The following PSD3 variants were observed in gnomAD, a reference collection of about 807,000 sequenced individuals.
The protein encoded by PSD3 is PH and SEC7 domain-containing protein 3.
PSD3 carries 49 observed loss-of-function variants against 105.5 expected under a neutral mutation model. The ratio of observed to expected loss-of-function variants is 0.46; its 90% confidence interval spans 0.37 to 0.59. The LOEUF (loss-of-function observed/expected upper bound fraction) is 0.59, where lower values mean the gene tolerates loss of function less well. Among genes scored for constraint, PSD3 ranks in the 20% least tolerant of loss-of-function variants. The pLI, the probability that PSD3 is intolerant of heterozygous loss-of-function variation, is 0.00. For synonymous variants in PSD3, 557 were observed against 457.8 expected (o/e 1.22, Z -2.77); for missense variants, 1,561 against 1,263.8 (o/e 1.24, Z -3.57).
intron 9 of PSD3, among the ~76,000 whole-genome samples, chr8:18,761,932 A>C (rs200566469): frequency 1.3e-5 from 2 of 152,208 alleles, no homozygotes; most frequent in African/African-American, 4.8e-5. Context: ...ATTTTGTTAT[A>C]TGAATGACTG....
At chr8:18,583,371 C>T (rs1392986194) in intron 12 of PSD3, among the ~76,000 whole-genome samples, 2 of 152,114 alleles carry the variant, frequency 1.3e-5, no homozygotes, top group African/African-American at 2.4e-5. Context: ...GTCAAGGCTG[C>T]AGTGAGCTGA....
chr8:18,922,182 GA>G (rs1358978938), intron 2 of PSD3, among the ~76,000 whole-genome samples: 1 of 152,064 alleles, frequency 6.6e-6, no homozygotes, highest in Non-Finnish European at 1.5e-5. Flanking sequence ...ACCTGACAAT[GA>G]AAAAACGGTT....
chr8:19,015,290 A>G (rs76194003), upstream of PSD3, among the ~76,000 whole-genome samples: 892 of 152,280 alleles, frequency 5.9e-3, 59 homozygotes, highest in East Asian at 0.13. Context: ...CATGATTGTG[A>G]GGCCTCCCAA....
At chr8:19,063,977 A>T (rs1828988889) in intron 1 of PSD3, among the ~76,000 whole-genome samples, 1 of 151,988 alleles carries the variant, frequency 6.6e-6, no homozygotes, top group Non-Finnish European at 1.5e-5. Flanking sequence ...CCGTATCTCT[A>T]CTAAAAATAC....
intron 9 of PSD3, chr8:18,730,259 A>G (rs1238851998): frequency 2.0e-5 from 3 of 152,230 alleles, no homozygotes; most frequent in African/African-American, 7.2e-5. Context: ...CTAGGTATGA[A>G]GGTACCACAG....
intron 11 of PSD3, among the ~76,000 whole-genome samples, chr8:18,614,433 A>G (rs569070261): frequency 1.0e-4 from 15 of 146,198 alleles, no homozygotes; most frequent in South Asian, 4.3e-4. Context: ...TTAGTGCTTA[A>G]TCTTTTAGGT....
At position 18,752,843 on chromosome 8, in the gene PSD3, T is replaced by C. The variant is rs1805724427; in HGVS notation, c.2172+12606A>G. Reference sequence around the variant, plus strand: ...GGGAGTGAAAGAAAGAGCATGGAAATGAGGCAAAAAGAGTAACAATGTACC... The same window carrying C: ...GGGAGTGAAAGAAAGAGCATGGAAACGAGGCAAAAAGAGTAACAATGTACC... On this transcript the variant is annotated intron_variant, in intron 9 of 15. Transcript: ENST00000327040. 2.0e-5 allele frequency among the ~76,000 whole-genome samples: 3 copies of C among 150,050 alleles called. No individual in the cohort carries two copies. The South Asian group carries it at 6.3e-4, about 31-fold the overall frequency.
In PSD3 at chr8:18,717,351, G is replaced by A. The variant is rs557011257; in HGVS notation, c.2172+48098C>T. 1.4e-4 allele frequency among the ~76,000 whole-genome samples: 22 copies of A among 152,262 alleles called. No individual in the cohort carries two copies. In the South Asian group the frequency reaches 4.1e-3, roughly 29 times the overall value. On this transcript the variant is annotated intron_variant, in intron 9 of 15. Coordinates refer to ENST00000327040, the MANE Select transcript of PSD3 (RefSeq NM_015310.4). ...TTAAAAATTGTTCCAGAATGGGAGT[G>A]AGGAGTTCTTGCTATAAGTACATGC...
At chr8:18,573,970 A>G (rs1563336503) in intron 13 of PSD3, among the ~76,000 whole-genome samples, 1 of 152,216 alleles carries the variant, frequency 6.6e-6, no homozygotes, top group African/African-American at 2.4e-5. Context: ...AAGACTATTT[A>G]GAAAACCCAC....
chr8:18,961,743 T>C (rs779663145), intron 1 of PSD3, among the ~76,000 whole-genome samples: 3 of 152,068 alleles, frequency 2.0e-5, no homozygotes, highest in Non-Finnish European at 4.4e-5. Flanking sequence ...TCTAAAGAGG[T>C]ATTTAAGATT....
intron 11 of PSD3, among the ~76,000 whole-genome samples, chr8:18,611,111 T>C (rs979209379): frequency 3.3e-5 from 5 of 152,088 alleles, no homozygotes; most frequent in African/African-American, 1.2e-4. Context: ...AACTAAATGG[T>C]AGCATGGCAC....
chr8:19,064,258 C>A (rs1272837324), intron 1 of PSD3, among the ~76,000 whole-genome samples: 3 of 152,068 alleles, frequency 2.0e-5, no homozygotes, highest in African/African-American at 4.8e-5. Flanking sequence ...TTAAAGACAC[C>A]TTTAGTGTGT....
intron 9 of PSD3, among the ~76,000 whole-genome samples, chr8:18,701,405 C>A (rs543203869): frequency 6.6e-6 from 1 of 152,100 alleles, no homozygotes; most frequent in Admixed American, 6.5e-5. Context: ...AAATTTTAAA[C>A]TCATATACAG....
chr8:18,957,400 C>G (rs1028351849), intron 1 of PSD3, among the ~76,000 whole-genome samples: 9 of 151,104 alleles, frequency 6.0e-5, no homozygotes, highest in Middle Eastern at 3.2e-3. Flanking sequence ...AACAACCACA[C>G]AGGAAACAAC....
chr8:18,923,468 T>G (rs1384115488), intron 2 of PSD3, among the ~76,000 whole-genome samples: 1 of 152,330 alleles, frequency 6.6e-6, no homozygotes, highest in East Asian at 1.9e-4. Context: ...CATAATGACA[T>G]CTGGCTCACC....
At chr8:18,819,828 C>T (rs549732580) in intron 4 of PSD3, among the ~76,000 whole-genome samples, 4 of 152,218 alleles carry the variant, frequency 2.6e-5, no homozygotes, top group South Asian at 2.1e-4. Context: ...CTGCCAGCCT[C>T]GGCCTCCCAA....
chr8:19,073,942 C>T (rs1416713819), intron 1 of PSD3, among the ~76,000 whole-genome samples: 5 of 152,072 alleles, frequency 3.3e-5, no homozygotes, highest in Non-Finnish European at 5.9e-5. Context: ...AGGCGCCTGC[C>T]ACCACGCCTG....
At chr8:18,941,920 G>A (rs1162202082) in intron 1 of PSD3, among the ~76,000 whole-genome samples, 4 of 151,960 alleles carry the variant, frequency 2.6e-5, no homozygotes, top group Non-Finnish European at 5.9e-5. Flanking sequence ...TGATCCGCCC[G>A]CCTCGGCCTC....
At position 18,750,076 on chromosome 8, in the gene PSD3, C is replaced by G. The variant is rs118190162; in HGVS notation, c.2172+15373G>C. Among the ~76,000 whole-genome samples, 752 of 152,276 alleles carry G rather than the reference C, an allele frequency of 4.9e-3. 26 individuals carry two copies. Among genetic ancestry groups the G allele is most frequent in the Admixed American group, 0.035 (530 of 15,304 alleles). On this transcript the variant is annotated intron_variant, in intron 9 of 15. Transcript: ENST00000327040. ...GATCAATCTGTGTTGTTTCAAGCCA[C>G]TAAGTTTGTGGTGATTTGTTAACGA...
Sources: allele counts gnomAD v4.1 joint callset (sites outside exome capture counted in the v4.1 genomes callset), GRCh38; gene constraint gnomAD v4.1.1; transcripts MANE v1.5; gene names NCBI Gene and HGNC (gene_info 2026-07-23, HGNC 2026-07-21).